Variants in CEP152 observed in about 807,000 individuals in gnomAD.
CEP152 encodes the protein centrosomal protein 152.
A neutral mutation model predicts 188.9 loss-of-function variants in CEP152; 132 were observed. That is an observed-to-expected ratio of 0.70 (90% confidence interval 0.61 to 0.81). The LOEUF is 0.81. CEP152 is among the 30% of genes least tolerant of loss of function. The pLI, the probability that CEP152 is intolerant of heterozygous loss-of-function variation, is 0.00. For synonymous variants in CEP152, 649 were observed against 666.6 expected (o/e 0.97, Z 0.41); for missense variants, 1,914 against 1,969.8 (o/e 0.97, Z 0.54).
chr15:48,740,982 T>C, intron 26 of CEP152: 1 of 959,546 alleles, frequency 1.0e-6, no homozygotes, highest in Non-Finnish European at 1.2e-6. Flanking sequence ...CTGGAACATA[T>C]CACCCTCATA....
At chr15:48,753,210 C>T (rs1235688766) in intron 20 of CEP152, among the ~76,000 whole-genome samples, 1 of 152,172 alleles carries the variant, frequency 6.6e-6, no homozygotes, top group Non-Finnish European at 1.5e-5. Context: ...GCGATCTCAG[C>T]TCACTGCAAC....
At chr15:48,741,081 C>A in intron 26 of CEP152, 1 of 996,906 alleles carries the variant, frequency 1.0e-6, no homozygotes. Context: ...CCTATACTGT[C>A]TTCTTTCTCT....
intron 9 of CEP152, among the ~76,000 whole-genome samples, chr15:48,786,070 A>C (rs1896615392): frequency 6.6e-6 from 1 of 152,132 alleles, no homozygotes; most frequent in South Asian, 2.1e-4. Flanking sequence ...AAAGTGTTCA[A>C]AGTGGAGCCT....
Position 48,744,136 on chromosome 15 carries a change from G to A in CEP152, c.3835+104C>T. ...TAAGATTGAAGAAAAAGGTAATTTGGAAAATTCCCTAGAAGAACTACTGCT... is the reference window on the plus strand; with the variant it reads ...TAAGATTGAAGAAAAAGGTAATTTGAAAAATTCCCTAGAAGAACTACTGCT... On this transcript the variant is annotated intron_variant, in intron 24 of 26. Coordinates refer to ENST00000380950, the MANE Select transcript of CEP152 (RefSeq NM_001194998.2). 2.0e-6 allele frequency: 3 copies of A among 1,522,098 alleles called. No individual in the cohort carries two copies. The South Asian group carries it at 3.7e-5, about 19-fold the overall frequency. 94.3% of individuals were successfully genotyped at this position (1,522,098 alleles called of 1,614,324 possible).
intron 22 of CEP152, 30 bp from the exon 23 acceptor site, chr15:48,745,022 C>G (rs998515129): frequency 1.3e-5 from 20 of 1,510,660 alleles, no homozygotes; most frequent in Non-Finnish European, 1.7e-5. Context: ...GTATATTAGA[C>G]AGTTAAAAAT....
At chr15:48,797,798 C>G in intron 3 of CEP152, 68 bp from the exon 4 acceptor site, 1 of 1,575,960 alleles carries the variant, frequency 6.3e-7, no homozygotes, top group Non-Finnish European at 8.7e-7. Context: ...CACAAAGAAC[C>G]CCAAGATTTT....
chr15:48,738,478 T>C lies in CEP152; in HGVS notation c.4904A>G (p.Tyr1635Cys). ...TTCTTCTGACAGGTATGGAGTTTGA[T>C]AACGCTGACATTTCATTGTTTGACA... Reference protein sequence around the residue: ...MICQTMKCQRYQTPYLSEETT... With the variant: ...MICQTMKCQRCQTPYLSEETT... Residue 1635 changes from tyrosine (Y) to cysteine (C), a missense_variant, in exon 27 of 27, where the codon TAT becomes TGT. Tyr to Cys is a radical substitution (Grantham distance 194). Coordinates refer to ENST00000380950, the MANE Select transcript of CEP152 (RefSeq NM_001194998.2). 1.9e-6 allele frequency: 3 copies of C among 1,614,260 alleles called. No homozygotes were observed. The highest frequency in any genetic ancestry group is 1.7e-5 in the Admixed American group (1 of 60,034).
At position 48,749,238 on chromosome 15, in the gene CEP152, A is replaced by C. The variant is rs193040139; in HGVS notation, c.3467-628T>G. Among the ~76,000 whole-genome samples, 18 of 152,228 alleles carry C rather than the reference A, an allele frequency of 1.2e-4. No individual in the cohort carries two copies. The East Asian group carries it at 3.5e-3, about 29-fold the overall frequency. On this transcript the variant is annotated intron_variant, in intron 21 of 26. Transcript: ENST00000380950. ...GGATCGATGGACAGAGAGATAAAATAAATACACAAATGAGAGGAAAGGATT... is the reference window on the plus strand; with the variant it reads ...GGATCGATGGACAGAGAGATAAAATCAATACACAAATGAGAGGAAAGGATT...
At position 48,742,012 on chromosome 15, in the gene CEP152, G is replaced by C. The variant is rs780763269; in HGVS notation, c.3924C>G (p.Ala1308=). 6.2e-7 allele frequency: 1 copy of C among 1,614,044 alleles called. No homozygotes were observed. Among genetic ancestry groups the C allele is most frequent in the Admixed American group, 1.7e-5 (1 of 60,008 alleles). The change falls in exon 25 of 27, where the codon GCC becomes GCG. Residue 1308 remains alanine, a synonymous_variant. Coordinates refer to ENST00000380950, the MANE Select transcript of CEP152 (RefSeq NM_001194998.2). The stretch of plus-strand genomic sequence containing the variant: ...TCAAATAATATTTGCGCATCTTTCG[G>C]GCGGTTTCTTGACGTTCTCGCAGTA... ...AEVLRERQET[A]RKMRKYYLIC... is the part of the protein sequence containing the mutation.
At chr15:48,792,977 A>G (rs1388339691) in intron 7 of CEP152, among the ~76,000 whole-genome samples, 3 of 152,042 alleles carry the variant, frequency 2.0e-5, no homozygotes, top group African/African-American at 7.3e-5. Context: ...GCCTGCCACT[A>G]TGCCCCGCTA....
At chr15:48,742,199 G>T in intron 24 of CEP152, 99 bp from the exon 25 acceptor site, 1 of 1,023,034 alleles carries the variant, frequency 9.8e-7, no homozygotes, top group Non-Finnish European at 1.5e-6. Flanking sequence ...GGTAGATGAA[G>T]TGATTTTAAG....
chr15:48,809,636 A>T (rs145852977), intron 1 of CEP152, among the ~76,000 whole-genome samples: 3 of 152,346 alleles, frequency 2.0e-5, no homozygotes, highest in African/African-American at 7.2e-5. Context: ...AATCTTGAGC[A>T]AACTGTTTCT....
At chr15:48,733,727 T>C (rs908300407), downstream of CEP152, among the ~76,000 whole-genome samples, 1 of 152,168 alleles carries the variant, frequency 6.6e-6, no homozygotes, top group Non-Finnish European at 1.5e-5. Context: ...ATGCTCAGAC[T>C]GTTGAAAGCC....
At chr15:48,742,782 G>A (rs1319579369) in intron 24 of CEP152, among the ~76,000 whole-genome samples, 1 of 151,516 alleles carries the variant, frequency 6.6e-6, no homozygotes, top group African/African-American at 2.4e-5. Context: ...TCTTTGATTA[G>A]GACTACTATT....
In CEP152 at chr15:48,768,991, T is replaced by C. The variant is rs1188061418; in HGVS notation, c.1873A>G (p.Lys625Glu). 2 of 1,581,096 alleles carry C rather than the reference T, an allele frequency of 1.3e-6. No homozygotes were observed. The highest frequency in any genetic ancestry group is 2.2e-5 in the East Asian group (1 of 44,516). ...TGTTGTAAAACTTGAATTTCATTTT[T>C]AAGCAGCAGAATATCATCTCTGACA... ...DVVRDDILLLKNEIQVLQQQN... is the reference protein window; with the variant it reads ...DVVRDDILLLENEIQVLQQQN... The change falls in exon 14 of 27, where the codon AAA becomes GAA. Residue 625 changes from lysine (K) to glutamate (E), a missense_variant. Transcript: ENST00000380950.
chr15:48,799,591 C>T (rs1372074201), intron 2 of CEP152, among the ~76,000 whole-genome samples: 1 of 152,080 alleles, frequency 6.6e-6, no homozygotes, highest in Non-Finnish European at 1.5e-5. Flanking sequence ...AACATTAACA[C>T]ACAAGACCCT....
rs764602105 is a variant in CEP152 at position 48,762,635 on chromosome 15, C to A, written c.2318G>T (p.Trp773Leu). 2 of 1,613,780 alleles carry A rather than the reference C, an allele frequency of 1.2e-6. No homozygotes were observed. The highest frequency in any genetic ancestry group is 1.7e-6 in the Non-Finnish European group (2 of 1,180,004). ...TATAGTTTGATCCAGCTTAGACTGC[C>A]ACTCCTTTTCAAGCTGTTGAATGAG... ...EKLIQQLEKEWQSKLDQTIKA... is the reference protein window; with the variant it reads ...EKLIQQLEKELQSKLDQTIKA... Residue 773 changes from tryptophan (W) to leucine (L), a missense_variant, in exon 18 of 27, where the codon TGG becomes TTG. Trp to Leu is a moderately conservative substitution (Grantham distance 61, BLOSUM62 -2). Coordinates refer to ENST00000380950, the MANE Select transcript of CEP152 (RefSeq NM_001194998.2).
chr15:48,731,920 A>G (rs1022030786), intron 2 of CEP152, among the ~76,000 whole-genome samples: 5 of 152,342 alleles, frequency 3.3e-5, no homozygotes, highest in African/African-American at 1.2e-4. Context: ...TGACCAACAA[A>G]CATATGAAAA....
chr15:48,760,033 C>T (rs1894561070), intron 19 of CEP152, 102 bp downstream of exon 19: 19 of 1,471,122 alleles, frequency 1.3e-5, no homozygotes, highest in Non-Finnish European at 1.7e-5. Context: ...ACATGTTTAT[C>T]CTTCAACAAT....
Sources: gnomAD v4.1 joint callset for allele counts (sites outside exome capture counted in the v4.1 genomes callset) on GRCh38, gnomAD v4.1.1 for gene constraint, MANE v1.5 for transcripts, NCBI Gene and HGNC (gene_info 2026-07-23, HGNC 2026-07-21) for gene names.